Variants in SLC2A9 observed in about 807,000 individuals in gnomAD.
The protein encoded by SLC2A9 is solute carrier family 2, facilitated glucose transporter member 9.
In SLC2A9, 39 loss-of-function variants were observed where a neutral mutation model predicts 50.6. The ratio of observed to expected loss-of-function variants is 0.77; its 90% CI spans 0.60 to 1.01. The LOEUF (loss-of-function observed/expected upper bound fraction) is 1.01, where lower values mean the gene tolerates loss of function less well. Among genes scored for constraint, SLC2A9 ranks in the 50% least tolerant of loss-of-function variants. The pLI, the probability that SLC2A9 is intolerant of heterozygous loss-of-function variation, is 0.00. For synonymous variants in SLC2A9, 324 were observed against 276.9 expected (o/e 1.17, Z -1.69); for missense variants, 686 against 677.6 (o/e 1.01, Z -0.14).
At chr4:9,805,757 A>G (rs1722042963) in intron 3 of SLC2A9, among the ~76,000 whole-genome samples, 1 of 147,256 alleles carries the variant, frequency 6.8e-6, no homozygotes, top group East Asian at 2.0e-4. Flanking sequence ...CATCCACTCT[A>G]TCTTCCATAA....
downstream of SLC2A9, among the ~76,000 whole-genome samples, chr4:9,777,340 G>A (rs1239357121): frequency 6.6e-6 from 1 of 150,944 alleles, no homozygotes; most frequent in African/African-American, 2.4e-5. Context: ...TGTTACCGAG[G>A]CTGGAGTGCA....
At chr4:9,964,933 A>G (rs1452459836) in intron 5 of SLC2A9, among the ~76,000 whole-genome samples, 1 of 152,186 alleles carries the variant, frequency 6.6e-6, no homozygotes, top group East Asian at 1.9e-4. Context: ...AGACATTCGG[A>G]GTAATTATCA....
chr4:9,780,247 G>C (rs1265989090), intron 3 of SLC2A9, among the ~76,000 whole-genome samples: 2 of 152,162 alleles, frequency 1.3e-5, no homozygotes, highest in East Asian at 3.9e-4. Context: ...GGCAGAGACT[G>C]GAGGCCAGGA....
At chr4:9,946,799 T>G (rs1347901629) in intron 5 of SLC2A9, among the ~76,000 whole-genome samples, 1 of 152,208 alleles carries the variant, frequency 6.6e-6, no homozygotes, top group Non-Finnish European at 1.5e-5. Flanking sequence ...CCTCTAAAAT[T>G]TAATCCCTGG....
chr4:10,025,991 TTTG>T (rs766110916), upstream of SLC2A9: 1 of 1,611,462 alleles, frequency 6.2e-7, no homozygotes, highest in Non-Finnish European at 8.5e-7. Flanking sequence ...GTTTTGAACT[TTTG>T]TTGTTATTGT....
At chr4:10,010,187 C>T (rs752041440) in intron 2 of SLC2A9, among the ~76,000 whole-genome samples, 20 of 152,186 alleles carry the variant, frequency 1.3e-4, no homozygotes, top group Non-Finnish European at 2.2e-4. Context: ...ATCACATCTA[C>T]ATGATGAAAC....
rs1307743769 is a variant in SLC2A9 at position 9,951,686 on chromosome 4, TA to T, written c.682-9642del. Among the ~76,000 whole-genome samples the T allele has an allele frequency of 2.0e-5, 3 of 152,210 alleles. No individual in the cohort carries two copies. The East Asian group carries it at 5.8e-4, about 29-fold the overall frequency. Reference sequence around the variant, plus strand: ...CTTTTTGAGAACTGTCCTTTCTGTCTAAAGGAAATGTACTTCTTTCTAGAAG... The same window carrying T: ...CTTTTTGAGAACTGTCCTTTCTGTCTAAGGAAATGTACTTCTTTCTAGAAG... On this transcript the variant is annotated intron_variant, in intron 5 of 11. Transcript: ENST00000264784.
intron 5 of SLC2A9, among the ~76,000 whole-genome samples, chr4:9,946,772 A>T (rs1044487657): frequency 2.0e-5 from 3 of 152,130 alleles, no homozygotes; most frequent in Admixed American, 1.3e-4. Flanking sequence ...TACAACCTTG[A>T]TCTTTGTCTC....
At chr4:9,783,266 A>T (rs770297239) in intron 3 of SLC2A9, 3 of 1,614,138 alleles carry the variant, frequency 1.9e-6, no homozygotes, top group South Asian at 1.1e-5. Flanking sequence ...CTACATCCAC[A>T]TGATGCCCAA....
At chr4:9,809,459 C>T (rs941435364) in intron 3 of SLC2A9, among the ~76,000 whole-genome samples, 1 of 152,184 alleles carries the variant, frequency 6.6e-6, no homozygotes, top group Non-Finnish European at 1.5e-5. Context: ...GGGCGCCTGA[C>T]TCTAGTCTCT....
intron 4 of SLC2A9, among the ~76,000 whole-genome samples, chr4:9,984,276 T>A (rs775712399): frequency 2.0e-5 from 3 of 152,076 alleles, no homozygotes; most frequent in Non-Finnish European, 4.4e-5. Context: ...CCTGCTCACC[T>A]CTCCCTGAGA....
At chr4:9,801,512 T>C (rs563749903) in intron 3 of SLC2A9, among the ~76,000 whole-genome samples, 4 of 152,202 alleles carry the variant, frequency 2.6e-5, no homozygotes, top group Admixed American at 1.3e-4. Flanking sequence ...CAGTCAACAC[T>C]GTAGCTCTGA....
intron 2 of SLC2A9, among the ~76,000 whole-genome samples, chr4:9,999,761 G>A (rs1387843742): frequency 6.6e-6 from 1 of 152,166 alleles, no homozygotes. Flanking sequence ...ACATGGTGTG[G>A]CTTGCATTTT....
Position 9,986,863 on chromosome 4 carries a change from T to C in SLC2A9, c.411-1070A>G, listed in dbSNP as rs186332502. ...TTGTTTGGAGGCCTGGGGACCTGGATTCCTGCACCAGCTCTATCCTTCAGG... is the reference window on the plus strand; with the variant it reads ...TTGTTTGGAGGCCTGGGGACCTGGACTCCTGCACCAGCTCTATCCTTCAGG... On this transcript the variant is annotated intron_variant, in intron 3 of 11. Coordinates refer to ENST00000264784, the MANE Select transcript of SLC2A9 (RefSeq NM_020041.3). 1.5e-4 allele frequency among the ~76,000 whole-genome samples: 23 copies of C among 152,316 alleles called. No homozygotes were observed. The East Asian group carries it at 4.4e-3, about 29-fold the overall frequency.
intron 10 of SLC2A9, among the ~76,000 whole-genome samples, chr4:9,876,280 G>A (rs1368923921): frequency 6.6e-6 from 1 of 152,106 alleles, no homozygotes; most frequent in Non-Finnish European, 1.5e-5. Flanking sequence ...CTACCCACAG[G>A]GCTATAAATA....
intron 10 of SLC2A9, among the ~76,000 whole-genome samples, chr4:9,839,438 G>C (rs1250307097): frequency 2.0e-5 from 3 of 152,078 alleles, no homozygotes; most frequent in Non-Finnish European, 4.4e-5. Flanking sequence ...GTTCCTCAAA[G>C]ACCTAAAGAC....
chr4:9,924,318 G>A (rs574700978), intron 6 of SLC2A9, among the ~76,000 whole-genome samples: 30 of 152,262 alleles, frequency 2.0e-4, no homozygotes, highest in African/African-American at 6.7e-4. Flanking sequence ...CTCCGCCTGC[G>A]GCTTTCCCTG....
intron 6 of SLC2A9, among the ~76,000 whole-genome samples, chr4:9,936,683 G>T (rs1747142865): frequency 6.6e-6 from 1 of 152,176 alleles, no homozygotes; most frequent in African/African-American, 2.4e-5. Context: ...ATGCTAGAGG[G>T]AGGAGAAATC....
rs115768496 is a variant in SLC2A9 at position 9,952,367 on chromosome 4, T to C, written c.682-10322A>G. Among the ~76,000 whole-genome samples the C allele has an allele frequency of 9.5e-3, 1,447 of 152,222 alleles. 26 individuals carry two copies. The highest frequency in any genetic ancestry group is 0.034 in the African/African-American group (1,392 of 41,512). ...TCCCAAGATTTGGTTGTTTAAAATT[T>C]GTGGCACCTTCCCTAGCCTTACTTC... is the stretch of plus-strand genomic sequence containing the variant. On this transcript the variant is annotated intron_variant, in intron 5 of 11. Transcript: ENST00000264784.
Sources: allele counts gnomAD v4.1 joint callset (sites outside exome capture counted in the v4.1 genomes callset), GRCh38; gene constraint gnomAD v4.1.1; transcripts MANE v1.5; gene names NCBI Gene and HGNC (gene_info 2026-07-23, HGNC 2026-07-21).